The following TBX1 variants were observed in gnomAD, a reference collection of about 807,000 sequenced individuals.
TBX1 encodes the protein T-box transcription factor 1.
In TBX1, 16 loss-of-function variants were observed where a neutral mutation model predicts 40.8. That is an observed-to-expected ratio of 0.39 (90% CI 0.27 to 0.60). The LOEUF (loss-of-function observed/expected upper bound fraction) is 0.60. Ranked by LOEUF, TBX1 falls within the 20% of genes least tolerant of loss-of-function variation. The pLI is 0.51. For missense variants in TBX1, 755 were observed against 728.5 expected (o/e 1.04, Z -0.42); for synonymous variants, 403 against 336.8 (o/e 1.20, Z -2.15).
upstream of TBX1, chr22:19,759,497 G>T (rs1936569063): frequency 1.3e-6 from 2 of 1,489,062 alleles, no homozygotes; most frequent in Admixed American, 4.4e-5. Context: ...GGCGCCTATG[G>T]ACGCGCGGAG....
downstream of TBX1, among the ~76,000 whole-genome samples, chr22:19,782,141 C>T (rs1250498879): frequency 2.6e-5 from 4 of 152,078 alleles, no homozygotes. Flanking sequence ...ATTAAGGGGT[C>T]CTTGAGACTC....
At chr22:19,758,651 G>A (rs575128853), upstream of TBX1, among the ~76,000 whole-genome samples, 6 of 152,260 alleles carry the variant, frequency 3.9e-5, no homozygotes, top group East Asian at 3.9e-4. Flanking sequence ...CGGCTCCCTC[G>A]GCTGGCCAGG....
At chr22:19,760,170 C>T (rs1243450615), upstream of TBX1, among the ~76,000 whole-genome samples, 3 of 142,922 alleles carry the variant, frequency 2.1e-5, no homozygotes, top group East Asian at 4.0e-4. Context: ...AAATTTAAGA[C>T]AGAAAGCGAA....
intron 1 of TBX1, among the ~76,000 whole-genome samples, chr22:19,762,261 C>T (rs913412737): frequency 2.0e-5 from 3 of 152,248 alleles, no homozygotes; most frequent in African/African-American, 7.2e-5. Flanking sequence ...CGGGAGCCCA[C>T]GTCCCGCAGC....
rs1314633813 is a variant in TBX1, at chr22:19,777,064, ATAATT to A, written c.1010-2150_1010-2146del. Among the ~76,000 whole-genome samples, 5 of 140,298 alleles carry A rather than the reference ATAATT, an allele frequency of 3.6e-5. No individual in the cohort carries two copies. In the East Asian group the frequency reaches 8.8e-4, roughly 25 times the overall value. 92.0% of individuals were successfully genotyped at this position (140,298 alleles called of 152,430 possible). A position where few individuals can be genotyped will look rare whatever the true frequency, so the allele number is the denominator to read the frequency against. ...TTTTTTTAAAAAATTTTAATTTAATATAATTTAATTATTATTATACTGTTTTAGGG... is the reference window on the plus strand; with the variant it reads ...TTTTTTTAAAAAATTTTAATTTAATATAATTATTATTATACTGTTTTAGGG... On this transcript the variant is annotated intron_variant, in intron 8 of 8. Coordinates refer to the TBX1 transcript ENST00000329705.
chr22:19,779,206 G>A, intron 8 of TBX1: 1 of 1,614,138 alleles, frequency 6.2e-7, no homozygotes, highest in Non-Finnish European at 8.5e-7. Context: ...TCATTGGATG[G>A]GGTTGTCACC....
chr22:19,759,461 C>T, upstream of TBX1: 4 of 1,424,578 alleles, frequency 2.8e-6, no homozygotes, highest in Non-Finnish European at 3.6e-6. Context: ...CACACGCAGT[C>T]GGAGGCGGCG....
chr22:19,761,982 C>T (rs985294183), intron 1 of TBX1, among the ~76,000 whole-genome samples: 2 of 152,230 alleles, frequency 1.3e-5, no homozygotes. Flanking sequence ...AAGGCGGGTG[C>T]CGCGCTGTGT....
Position 19,767,114 on chromosome 22 carries a change from G to C in TBX1, c.*247G>C, listed in dbSNP as rs1936889214. On this transcript the variant is annotated 3_prime_UTR_variant, in exon 7 of 7. Transcript: ENST00000649276. Reference sequence around the variant, plus strand: ...GTCCTTCCCCGGCCCCGAGGGCCAAGGGGGTCCCCGCCCGCCAGTGCCAAA... The same window carrying C: ...GTCCTTCCCCGGCCCCGAGGGCCAACGGGGTCCCCGCCCGCCAGTGCCAAA... 8.0e-6 allele frequency: 10 copies of C among 1,251,340 alleles called. No homozygotes were observed. In the South Asian group the frequency reaches 1.7e-4, roughly 21 times the overall value. The allele number at this position is 1,251,340 out of a possible 1,614,324, so 77.5% of individuals were successfully genotyped here.
At chr22:19,781,066 G>C (rs1441864303), downstream of TBX1, among the ~76,000 whole-genome samples, 1 of 152,204 alleles carries the variant, frequency 6.6e-6, no homozygotes, top group African/African-American at 2.4e-5. Context: ...ACAGGCGTGA[G>C]CCACTGCACC....
intron 8 of TBX1, among the ~76,000 whole-genome samples, chr22:19,779,058 T>C (rs1937109679): frequency 6.6e-6 from 1 of 152,216 alleles, no homozygotes; most frequent in African/African-American, 2.4e-5. Flanking sequence ...CGTGTCTGTG[T>C]CTGTGTCCTG....
intron 8 of TBX1, among the ~76,000 whole-genome samples, chr22:19,775,842 G>A (rs1411382532): frequency 6.6e-6 from 1 of 152,176 alleles, no homozygotes; most frequent in Non-Finnish European, 1.5e-5. Flanking sequence ...CAGTGAGGCC[G>A]CATGGCCTGG....
In TBX1 at chr22:19,763,418, C is replaced by T. The variant is rs907399828; in HGVS notation, c.539+76C>T. 3.7e-5 allele frequency: 51 copies of T among 1,363,024 alleles called. No homozygotes were observed. The African/African-American group carries it at 6.7e-4, about 18-fold the overall frequency. The allele number at this position is 1,363,024 out of a possible 1,614,324, so 84.4% of individuals were successfully genotyped here. A position where few individuals can be genotyped will look rare whatever the true frequency, so the allele number is the denominator to read the frequency against. On this transcript the variant is annotated intron_variant, in intron 2 of 6. Transcript: ENST00000649276. The stretch of plus-strand genomic sequence containing the variant: ...GGCGGGTCTCCGCCTGGTGACCCAA[C>T]TCCAAGGGTCGTCTGCACCATGAAA...
downstream of TBX1, among the ~76,000 whole-genome samples, chr22:19,768,947 C>T (rs1281370092): frequency 5.9e-5 from 5 of 84,866 alleles, no homozygotes; most frequent in African/African-American, 2.1e-4. Context: ...CGGGGCTGTT[C>T]GCATTCTTTT....
chr22:19,779,455 A>T, exon 9 of TBX1: 2 of 1,612,610 alleles, frequency 1.2e-6, no homozygotes, highest in Non-Finnish European at 1.7e-6. Flanking sequence ...GTTTCCCTTC[A>T]CTTTGGTTCA....
chr22:19,762,755 G>C (rs958984403), intron 1 of TBX1, among the ~76,000 whole-genome samples: 49 of 152,090 alleles, frequency 3.2e-4, no homozygotes, highest in African/African-American at 1.2e-3. Context: ...GAGGGGATTG[G>C]GTAACAGCCG....
At chr22:19,758,283 C>A (rs1936531521), upstream of TBX1, among the ~76,000 whole-genome samples, 1 of 152,192 alleles carries the variant, frequency 6.6e-6, no homozygotes, top group Admixed American at 6.5e-5. Context: ...CAAACAGTGG[C>A]CCTGACCACC....
chr22:19,757,493 T>C (rs544900031), upstream of TBX1, among the ~76,000 whole-genome samples: 4 of 152,302 alleles, frequency 2.6e-5, no homozygotes, highest in African/African-American at 9.6e-5. Context: ...GCCAGTGCCC[T>C]GAGGTGTGTG....
chr22:19,764,843 C>A, intron 3 of TBX1, 115 bp from the exon 4 acceptor site: 1 of 1,318,392 alleles, frequency 7.6e-7, no homozygotes. Context: ...AGGGTTTTGC[C>A]CAACTCATCC....
Sources: allele counts gnomAD v4.1 joint callset (sites outside exome capture counted in the v4.1 genomes callset), GRCh38; gene constraint gnomAD v4.1.1; transcripts MANE v1.5; gene names NCBI Gene and HGNC (gene_info 2026-07-23, HGNC 2026-07-21).